LOX: variants seen among roughly 807,000 people sequenced by gnomAD.
LOX encodes the protein protein-lysine 6-oxidase.
LOX carries 12 observed loss-of-function variants against 50.5 expected under a neutral mutation model. That is an observed-to-expected ratio of 0.24 (90% CI 0.15 to 0.38). LOX has a LOEUF of 0.38. Ranked by LOEUF, LOX falls within the 10% of genes least tolerant of loss-of-function variation. The pLI, the probability that LOX is intolerant of heterozygous loss-of-function variation, is 1.00. For missense variants in LOX, 504 were observed against 563.8 expected, an observed-to-expected ratio of 0.89 and a Z score of 1.07; for synonymous variants, 254 against 230.6, an observed-to-expected ratio of 1.10 and a Z score of -0.92.
chr5:122,063,270 T>C lies in LOX; in HGVS notation c.*3473A>G, dbSNP rs1354844951. The C allele has an allele frequency of 2.6e-5, 4 of 151,890 alleles. No homozygotes were observed. The highest frequency in any genetic ancestry group is 9.7e-5 in the African/African-American group (4 of 41,406). 9.4% of individuals were successfully genotyped at this position (151,890 alleles called of 1,614,324 possible). A position where few individuals can be genotyped will look rare whatever the true frequency, so the allele number is the denominator to read the frequency against. On this transcript the variant is annotated 3_prime_UTR_variant, in exon 7 of 7. Transcript: ENST00000231004. ...AGTATAGATGTATAATAAAAGAATA[T>C]GAGAATGCAAAGAGGAACATAAAGC...
At chr5:122,072,187 T>C (rs1754470842) in intron 4 of LOX, among the ~76,000 whole-genome samples, 1 of 152,214 alleles carries the variant, frequency 6.6e-6, no homozygotes, top group Non-Finnish European at 1.5e-5. Context: ...TCAGTGCTTA[T>C]CTTGCCTTCA....
chr5:122,066,689 C>T lies in LOX; in HGVS notation c.*54G>A. ...TCCTACTGAAGTTAGTCTATTTTTT[C>T]CCACTTCAGAACACCAGGCACTGAT... On this transcript the variant is annotated 3_prime_UTR_variant, in exon 7 of 7. Coordinates refer to ENST00000231004, the MANE Select transcript of LOX (RefSeq NM_002317.7). 1 of 1,492,948 alleles carries T rather than the reference C, an allele frequency of 6.7e-7. No homozygotes were observed. Among genetic ancestry groups the T allele is most frequent in the Non-Finnish European group, 9.3e-7 (1 of 1,078,510 alleles). The allele number at this position is 1,492,948 out of a possible 1,614,324, so 92.5% of individuals were successfully genotyped here.
In LOX at chr5:122,078,049, C is replaced by T. The variant is rs979668238; in HGVS notation, c.-64G>A. 2.2e-6 allele frequency: 3 copies of T among 1,389,032 alleles called. No homozygotes were observed. The highest frequency in any genetic ancestry group is 2.8e-5 in the East Asian group (1 of 36,066). The allele number at this position is 1,389,032 out of a possible 1,614,324, so 86.0% of individuals were successfully genotyped here. ...TGGCTCACAGAAAATAAAAACGGGGCTCAAATCACGTGAGGGAAGGAGAAA... is the reference window on the plus strand; with the variant it reads ...TGGCTCACAGAAAATAAAAACGGGGTTCAAATCACGTGAGGGAAGGAGAAA... On this transcript the variant is annotated 5_prime_UTR_variant, in exon 1 of 7. Coordinates refer to ENST00000231004, the MANE Select transcript of LOX (RefSeq NM_002317.7).
At chr5:122,074,929 A>G (rs1754573223) in intron 3 of LOX, among the ~76,000 whole-genome samples, 1 of 152,232 alleles carries the variant, frequency 6.6e-6, no homozygotes, top group African/African-American at 2.4e-5. Context: ...TTTAGGATAG[A>G]AAAGGCAACC....
At chr5:122,073,539 T>C (rs949440666) in intron 4 of LOX, among the ~76,000 whole-genome samples, 5 of 152,100 alleles carry the variant, frequency 3.3e-5, no homozygotes, top group African/African-American at 1.2e-4. Context: ...GTTTCACAGG[T>C]GAAAAAACAG....
chr5:122,075,293 A>T, intron 3 of LOX, 111 bp downstream of exon 3: 1 of 941,894 alleles, frequency 1.1e-6, no homozygotes, highest in African/African-American at 1.6e-5. Flanking sequence ...AAATATAAGT[A>T]ATAGCAATTT....
chr5:122,066,043 C>T lies in LOX; in HGVS notation c.*700G>A, dbSNP rs1754291286. 6.6e-6 allele frequency: 1 copy of T among 151,978 alleles called. No homozygotes were observed. The highest frequency in any genetic ancestry group is 2.1e-4 in the South Asian group (1 of 4,820). 9.4% of individuals were successfully genotyped at this position (151,978 alleles called of 1,614,324 possible). On this transcript the variant is annotated 3_prime_UTR_variant, in exon 7 of 7. Coordinates refer to ENST00000231004, the MANE Select transcript of LOX (RefSeq NM_002317.7). ...TCAAGAAATATCAGACAGGATTGGG[C>T]AGCTCCCTTACTTAATTTGTTCCAA...
At chr5:122,074,437 A>G (rs1754555106) in intron 3 of LOX, among the ~76,000 whole-genome samples, 1 of 152,184 alleles carries the variant, frequency 6.6e-6, no homozygotes. Context: ...GTCTTTGAAT[A>G]TTAAATAGAA....
intron 3 of LOX, 200 bp downstream of exon 3, chr5:122,075,204 G>A: frequency 2.1e-6 from 1 of 487,534 alleles, no homozygotes. Flanking sequence ...TAATAAGCTG[G>A]GCTTCAGATT....
At chr5:122,075,639 C>G in intron 2 of LOX, 98 bp from the exon 3 acceptor site, 1 of 742,908 alleles carries the variant, frequency 1.3e-6, no homozygotes, top group Non-Finnish European at 2.1e-6. Flanking sequence ...TGACAATCCT[C>G]CTTTCCCAAC....
In LOX at chr5:122,074,157, A is replaced by T. The variant is rs1168325304; in HGVS notation, c.891T>A (p.Ser297Arg). The change falls in exon 4 of 7, where the codon AGT becomes AGA. Residue 297 changes from serine to arginine, a missense_variant. Coordinates refer to ENST00000231004, the MANE Select transcript of LOX (RefSeq NM_002317.7). ...GGTCATAGTGGCTAAACTCATCCATACTGTGGTAATGTCTGATGTCCCACA... is the reference window on the plus strand; with the variant it reads ...GGTCATAGTGGCTAAACTCATCCATTCTGTGGTAATGTCTGATGTCCCACA... ...EWHSCHQHYHSMDEFSHYDLL... is the reference protein window; with the variant it reads ...EWHSCHQHYHRMDEFSHYDLL... The T allele has an allele frequency of 6.2e-7, 1 of 1,613,848 alleles. No individual in the cohort carries two copies. Among genetic ancestry groups the T allele is most frequent in the Non-Finnish European group, 8.5e-7 (1 of 1,179,874 alleles).
rs1458310486 is a variant in LOX, at chr5:122,066,497, T to A, written c.*246A>T. ...AAGAGTCAAATATGTAATTACAGAA[T>A]TGAAACACTGTGTTAATTCACAAAG... On this transcript the variant is annotated 3_prime_UTR_variant, in exon 7 of 7. Transcript: ENST00000231004. 7.2e-6 allele frequency: 3 copies of A among 416,182 alleles called. No homozygotes were observed. The highest frequency in any genetic ancestry group is 6.0e-5 in the African/African-American group (3 of 49,610). The allele number at this position is 416,182 out of a possible 1,614,324, so 25.8% of individuals were successfully genotyped here.
At position 122,076,694 on chromosome 5, in the gene LOX, G is replaced by C. The variant is rs1054521915; in HGVS notation, c.740+199C>G. Among the ~76,000 whole-genome samples the C allele has an allele frequency of 2.7e-5, 4 of 149,594 alleles. No homozygotes were observed. The Admixed American group carries it at 2.7e-4, about 10-fold the overall frequency. ...ACCTCTGTGATTCCTGCTGCACTTT[G>C]AGACAGAACCCACAGAAATCTTCAA... On this transcript the variant is annotated intron_variant, in intron 2 of 6. Coordinates refer to ENST00000231004, the MANE Select transcript of LOX (RefSeq NM_002317.7).
intron 2 of LOX, among the ~76,000 whole-genome samples, chr5:122,075,754 T>C (rs1320214948): frequency 2.6e-5 from 4 of 152,168 alleles, no homozygotes; most frequent in African/African-American, 9.7e-5. Flanking sequence ...CAATGAATAT[T>C]TGGTGAATAA....
Position 122,076,938 on chromosome 5 carries a change from G to A in LOX, c.695C>T (p.Ser232Phe). The A allele has an allele frequency of 6.2e-7, 1 of 1,614,064 alleles. No homozygotes were observed. Among genetic ancestry groups the A allele is most frequent in the Admixed American group, 1.7e-5 (1 of 60,026 alleles). ...CGCCGCGCATCTCAGGTTGTACATGGACATCTTCTGCACGTACGTGGACGC... is the reference window on the plus strand; with the variant it reads ...CGCCGCGCATCTCAGGTTGTACATGAACATCTTCTGCACGTACGTGGACGC... ...IQASTYVQKM[S>F]MYNLRCAAEE... The change falls in exon 2 of 7, where the codon TCC becomes TTC. Residue 232 changes from serine to phenylalanine, a missense_variant. This residue lies in a region of LOX where 398 missense variants were observed against 365.8 expected (regional missense o/e 1.09). Coordinates refer to ENST00000231004, the MANE Select transcript of LOX (RefSeq NM_002317.7).
At position 122,074,155 on chromosome 5, in the gene LOX, A is replaced by C. The variant is rs876657852; in HGVS notation, c.893T>G (p.Met298Arg). The change falls in exon 4 of 7, where the codon ATG becomes AGG. Residue 298 changes from methionine to arginine, a missense_variant. Transcript: ENST00000231004. Reference protein sequence around the residue: ...WHSCHQHYHSMDEFSHYDLLD... With the variant: ...WHSCHQHYHSRDEFSHYDLLD... Reference sequence around the variant, plus strand: ...CAGGTCATAGTGGCTAAACTCATCCATACTGTGGTAATGTCTGATGTCCCA... The same window carrying C: ...CAGGTCATAGTGGCTAAACTCATCCCTACTGTGGTAATGTCTGATGTCCCA... The C allele has an allele frequency of 1.2e-6, 2 of 1,614,074 alleles. No homozygotes were observed. Among genetic ancestry groups the C allele is most frequent in the Non-Finnish European group, 1.7e-6 (2 of 1,179,922 alleles).
At chr5:122,076,816 T>TC (rs1754650852) in intron 2 of LOX, 77 bp downstream of exon 2, 1 of 1,269,136 alleles carries the variant, frequency 7.9e-7, no homozygotes, top group African/African-American at 1.5e-5. Context: ...CGCGAAGCAG[T>TC]AGCAGTCAGA....
chr5:122,077,528 G>T lies in LOX; in HGVS notation c.458C>A (p.Ala153Glu). ...GCTGGGCGGCCGCAGGTTACTGAGCGCAGGAACTTCTCCCGGCGCTGTCTG... is the reference window on the plus strand; with the variant it reads ...GCTGGGCGGCCGCAGGTTACTGAGCTCAGGAACTTCTCCCGGCGCTGTCTG... ...ENQTAPGEVPALSNLRPPSRV... is the reference protein window; with the variant it reads ...ENQTAPGEVPELSNLRPPSRV... The change falls in exon 1 of 7, where the codon GCG (alanine) becomes GAG (glutamate). Residue 153 changes from alanine to glutamate, a missense_variant. Physicochemically the swap from Ala to Glu is moderately radical, Grantham distance 107 (BLOSUM62 -1). Transcript: ENST00000231004. This position sits in a 1 kb window ranked among gnomAD's most constrained non-coding sequence, Gnocchi z 4.9. The T allele has an allele frequency of 6.2e-7, 1 of 1,613,734 alleles. No homozygotes were observed. The highest frequency in any genetic ancestry group is 1.1e-5 in the South Asian group (1 of 91,088).
chr5:122,073,800 C>T (rs1754528032), intron 4 of LOX, among the ~76,000 whole-genome samples: 1 of 152,080 alleles, frequency 6.6e-6, no homozygotes. Flanking sequence ...CAACATGGAC[C>T]TCAAATTGAA....
Sources: allele counts gnomAD v4.1 joint callset (sites outside exome capture counted in the v4.1 genomes callset), GRCh38; gene constraint gnomAD v4.1.1; regional missense constraint gnomAD v4.1.1; non-coding constraint Gnocchi (gnomAD v3.1); transcripts MANE v1.5; gene names NCBI Gene and HGNC (gene_info 2026-07-23, HGNC 2026-07-21).